Variants in CCSER1 observed in about 807,000 individuals in gnomAD.
The protein encoded by CCSER1 is coiled-coil serine rich protein 1.
A neutral mutation model predicts 82.0 loss-of-function variants in CCSER1; 41 were observed. The observed-to-expected ratio is 0.50, with a 90% CI of 0.39 to 0.65. The LOEUF (loss-of-function observed/expected upper bound fraction) is 0.65. Ranked by LOEUF, CCSER1 falls within the 30% of genes least tolerant of loss-of-function variation. The pLI is 0.00. For synonymous variants in CCSER1, 414 were observed against 383.9 expected, an observed-to-expected ratio of 1.08 and a Z score of -0.92; for missense variants, 1,119 against 1,064.2, an observed-to-expected ratio of 1.05 and a Z score of -0.72.
intron 9 of CCSER1, among the ~76,000 whole-genome samples, chr4:90,935,500 C>A (rs1397473396): frequency 6.6e-6 from 1 of 152,156 alleles, no homozygotes; most frequent in Non-Finnish European, 1.5e-5. Flanking sequence ...ACTACCCAGT[C>A]TCAGGTGTTA....
intron 9 of CCSER1, among the ~76,000 whole-genome samples, chr4:91,013,604 CTTT>C (rs1188536764): frequency 1.9e-5 from 2 of 107,610 alleles, no homozygotes; most frequent in Non-Finnish European, 4.3e-5. Context: ...TTAAGATTTT[CTTT>C]TTTTTTTTTT....
intron 3 of CCSER1, among the ~76,000 whole-genome samples, chr4:90,370,643 C>T (rs11097249): frequency 0.37 from 56,016 of 151,628 alleles, 11,106 homozygotes; most frequent in African/African-American, 0.48. Context: ...TTTCCTTTTC[C>T]AGCCTATTAC....
At chr4:91,152,616 A>G (rs1730347927) in intron 10 of CCSER1, among the ~76,000 whole-genome samples, 2 of 152,160 alleles carry the variant, frequency 1.3e-5, no homozygotes, top group South Asian at 2.1e-4. Flanking sequence ...CCTAGCATCA[A>G]TGGTCTTCAC....
At chr4:91,542,395 T>C (rs1480949598) in intron 10 of CCSER1, among the ~76,000 whole-genome samples, 1 of 152,160 alleles carries the variant, frequency 6.6e-6, no homozygotes, top group African/African-American at 2.4e-5. Flanking sequence ...CATCTTGAAT[T>C]AATTTTTGTA....
intron 9 of CCSER1, among the ~76,000 whole-genome samples, chr4:90,971,351 A>G (rs1345208385): frequency 4.0e-5 from 6 of 151,898 alleles, no homozygotes; most frequent in Non-Finnish European, 7.4e-5. Flanking sequence ...AAACAACCAG[A>G]TCTCTTGAGA....
chr4:90,272,654 A>G (rs1270480884), intron 1 of CCSER1, among the ~76,000 whole-genome samples: 2 of 152,206 alleles, frequency 1.3e-5, no homozygotes, highest in Non-Finnish European at 2.9e-5. Flanking sequence ...TATGGAAGAA[A>G]CCTTCACATT....
intron 4 of CCSER1, among the ~76,000 whole-genome samples, chr4:90,427,190 A>C (rs1757641390): frequency 6.6e-6 from 1 of 151,962 alleles, no homozygotes; most frequent in Non-Finnish European, 1.5e-5. Context: ...TCAGTCACTT[A>C]GTTCTTCCAG....
At chr4:90,929,610 A>G (rs1729479827) in intron 9 of CCSER1, among the ~76,000 whole-genome samples, 1 of 152,208 alleles carries the variant, frequency 6.6e-6, no homozygotes, top group Non-Finnish European at 1.5e-5. Flanking sequence ...GTGAACCAAA[A>G]GCCCTTTTGT....
chr4:90,514,067 AACATTT>A (rs1316515391), intron 5 of CCSER1, among the ~76,000 whole-genome samples: 1 of 152,208 alleles, frequency 6.6e-6, no homozygotes, highest in Admixed American at 6.5e-5. Flanking sequence ...CATGGAGAAG[AACATTT>A]ACAAAGGAGA....
At position 90,166,346 on chromosome 4, in the gene CCSER1, A is replaced by G. The variant is rs117154039; in HGVS notation, c.-42+38515A>G. Among the ~76,000 whole-genome samples, 63 of 152,096 alleles carry G rather than the reference A, an allele frequency of 4.1e-4. No homozygotes were observed. In the East Asian group the frequency reaches 0.012, roughly 28 times the overall value. ...GGTGAGTTTATCAGGGCACAACCCAATCATAAGGAGCATACTTTAGTGTTG... is the reference window on the plus strand; with the variant it reads ...GGTGAGTTTATCAGGGCACAACCCAGTCATAAGGAGCATACTTTAGTGTTG... On this transcript the variant is annotated intron_variant, in intron 1 of 10. Coordinates refer to ENST00000509176, the MANE Select transcript of CCSER1 (RefSeq NM_001145065.2).
chr4:91,511,951 G>A (rs79167671), intron 10 of CCSER1, among the ~76,000 whole-genome samples: 3 of 152,274 alleles, frequency 2.0e-5, no homozygotes, highest in Non-Finnish European at 4.4e-5. Context: ...CGTGAAACCA[G>A]TACCTGGTGT....
intron 10 of CCSER1, among the ~76,000 whole-genome samples, chr4:91,527,860 G>C (rs574139402): frequency 1.3e-5 from 2 of 152,214 alleles, no homozygotes; most frequent in South Asian, 2.1e-4. Context: ...AATCTAGAAG[G>C]ATCCTTGCTT....
intron 6 of CCSER1, among the ~76,000 whole-genome samples, chr4:90,646,772 C>G: frequency 6.6e-6 from 1 of 152,102 alleles, no homozygotes; most frequent in East Asian, 1.9e-4. Context: ...AATGACCCAC[C>G]CTTTCCTTTC....
intron 7 of CCSER1, among the ~76,000 whole-genome samples, chr4:90,784,629 C>T (rs1754226586): frequency 6.6e-6 from 1 of 152,024 alleles, no homozygotes; most frequent in African/African-American, 2.4e-5. Context: ...ATGCATATAC[C>T]TCAGTATCCA....
chr4:90,238,211 T>C (rs560734222), intron 1 of CCSER1, among the ~76,000 whole-genome samples: 1 of 152,322 alleles, frequency 6.6e-6, no homozygotes, highest in East Asian at 1.9e-4. Flanking sequence ...ACTTCAGTTG[T>C]TTATCTGGGA....
chr4:91,162,156 G>C (rs999451803), intron 10 of CCSER1, among the ~76,000 whole-genome samples: 6 of 152,084 alleles, frequency 3.9e-5, no homozygotes, highest in Admixed American at 1.3e-4. Flanking sequence ...GTTGAATTTT[G>C]TCAAAGGCCT....
At chr4:90,315,871 G>A (rs1265176164) in intron 3 of CCSER1, among the ~76,000 whole-genome samples, 4 of 152,180 alleles carry the variant, frequency 2.6e-5, no homozygotes, top group African/African-American at 7.2e-5. Context: ...AGCACTGTAA[G>A]GAAGAAATGG....
intron 6 of CCSER1, among the ~76,000 whole-genome samples, chr4:90,670,464 C>T (rs1443079937): frequency 6.6e-6 from 1 of 152,050 alleles, no homozygotes; most frequent in Non-Finnish European, 1.5e-5. Flanking sequence ...TAATTGTCCC[C>T]ACCTTGAGGC....
intron 1 of CCSER1, among the ~76,000 whole-genome samples, chr4:90,224,682 C>T (rs1742798618): frequency 6.6e-6 from 1 of 152,112 alleles, no homozygotes; most frequent in African/African-American, 2.4e-5. Context: ...TCTGGCTTTT[C>T]CACAGTTAAT....
Sources: allele counts gnomAD v4.1 joint callset (sites outside exome capture counted in the v4.1 genomes callset), GRCh38; gene constraint gnomAD v4.1.1; transcripts MANE v1.5; gene names NCBI Gene and HGNC (gene_info 2026-07-23, HGNC 2026-07-21).